NBEA: variants seen among roughly 807,000 people sequenced by gnomAD.
NBEA encodes the protein neurobeachin.
A neutral mutation model predicts 343.4 loss-of-function variants in NBEA; 44 were observed. The ratio of observed to expected loss-of-function variants is 0.13; its 90% CI spans 0.10 to 0.16. The LOEUF (loss-of-function observed/expected upper bound fraction) is 0.16. Among genes scored for constraint, NBEA ranks in the 10% least tolerant of loss-of-function variants. NBEA has a pLI of 1.00. For missense variants in NBEA, 2,555 were observed against 3,631.3 expected, an observed-to-expected ratio of 0.70 and a Z score of 7.62; for synonymous variants, 1,175 against 1,238.7, an observed-to-expected ratio of 0.95 and a Z score of 1.08.
At chr13:35,064,180 A>T (rs954737095) in intron 8 of NBEA, among the ~76,000 whole-genome samples, 3 of 120,444 alleles carry the variant, frequency 2.5e-5, no homozygotes, top group Admixed American at 8.6e-5. Context: ...ATTTAAAGGT[A>T]AAGGACTGGA....
At chr13:35,353,408 C>A (rs528267476) in intron 38 of NBEA, among the ~76,000 whole-genome samples, 1 of 151,916 alleles carries the variant, frequency 6.6e-6, no homozygotes, top group East Asian at 1.9e-4. Context: ...GAACTCCAGC[C>A]TGGGTGACAG....
chr13:35,349,551 ATATGAG>A (rs1439039422), intron 37 of NBEA, among the ~76,000 whole-genome samples: 1 of 152,164 alleles, frequency 6.6e-6, no homozygotes, highest in African/African-American at 2.4e-5. Context: ...CAATAGGTAG[ATATGAG>A]TATATGATAC....
chr13:35,186,195 T>C (rs768980040), intron 30 of NBEA, among the ~76,000 whole-genome samples: 3 of 152,114 alleles, frequency 2.0e-5, no homozygotes, highest in Non-Finnish European at 4.4e-5. Flanking sequence ...TCCCAGCTAC[T>C]CAGGAGGCTG....
At chr13:35,571,614 G>A (rs888100841) in intron 45 of NBEA, among the ~76,000 whole-genome samples, 1 of 152,122 alleles carries the variant, frequency 6.6e-6, no homozygotes, top group African/African-American at 2.4e-5. Context: ...CAGTGACAAA[G>A]CAAATTTCCA....
chr13:35,442,806 G>A (rs1437855108), intron 39 of NBEA, among the ~76,000 whole-genome samples: 1 of 151,978 alleles, frequency 6.6e-6, no homozygotes, highest in Admixed American at 6.6e-5. Flanking sequence ...TACTCTATTA[G>A]CAGGCCTGTC....
At chr13:34,963,711 C>T (rs1053264067) in intron 1 of NBEA, among the ~76,000 whole-genome samples, 1 of 151,618 alleles carries the variant, frequency 6.6e-6, no homozygotes, top group African/African-American at 2.4e-5. Flanking sequence ...TTCTTCCCCC[C>T]CCCGATATAT....
rs143274910 is a variant in NBEA, at chr13:35,273,519, A to C, written c.5777-16870A>C. ...AAGAAATAACTAAGATAAAGAGCAG[A>C]ACTGAAGGAGATAGAGACACAAAAA... On this transcript the variant is annotated intron_variant, in intron 34 of 58. Coordinates refer to ENST00000379939, the MANE Select transcript of NBEA (RefSeq NM_001385012.1). Among the ~76,000 whole-genome samples the C allele has an allele frequency of 5.0e-3, 760 of 152,306 alleles. 1 individual carries two copies. Among genetic ancestry groups the C allele is most frequent in the Non-Finnish European group, 8.2e-3 (556 of 68,026 alleles).
At chr13:35,549,109 G>T (rs2079191955) in intron 41 of NBEA, among the ~76,000 whole-genome samples, 1 of 152,014 alleles carries the variant, frequency 6.6e-6, no homozygotes, top group East Asian at 1.9e-4. Flanking sequence ...AGTCTGAATG[G>T]CTCCAAAATG....
chr13:35,659,881 A>G (rs1312033906), intron 55 of NBEA, among the ~76,000 whole-genome samples: 2 of 152,236 alleles, frequency 1.3e-5, no homozygotes, highest in Non-Finnish European at 2.9e-5. Flanking sequence ...ACAAATTCTG[A>G]AACTAATTTG....
rs143320024 is a variant in NBEA at position 35,348,236 on chromosome 13, C to G, written c.5904-872C>G. Among the ~76,000 whole-genome samples the G allele has an allele frequency of 8.5e-5, 13 of 152,058 alleles. No homozygotes were observed. In the East Asian group the frequency reaches 2.3e-3, roughly 27 times the overall value. The stretch of plus-strand genomic sequence containing the variant: ...ACTGTGTGTACATGTGAAAAGATGT[C>G]CAAGATACATTTCTATGTGAGAAAA... On this transcript the variant is annotated intron_variant, in intron 36 of 58. Coordinates refer to ENST00000379939, the MANE Select transcript of NBEA (RefSeq NM_001385012.1).
At chr13:35,551,115 A>C (rs2079302150) in intron 43 of NBEA, 83 bp downstream of exon 43, 1 of 762,144 alleles carries the variant, frequency 1.3e-6, no homozygotes, top group African/African-American at 1.8e-5. Context: ...TGTGGTTATA[A>C]CATTATAATT....
intron 49 of NBEA, among the ~76,000 whole-genome samples, chr13:35,644,813 A>G (rs1011817021): frequency 1.1e-4 from 16 of 152,336 alleles, no homozygotes; most frequent in African/African-American, 3.8e-4. Context: ...CACTGGGGAG[A>G]CAAAAGTAGG....
intron 47 of NBEA, among the ~76,000 whole-genome samples, chr13:35,603,159 T>A (rs1299798335): frequency 6.6e-6 from 1 of 152,216 alleles, no homozygotes; most frequent in Non-Finnish European, 1.5e-5. Flanking sequence ...CATTCACTCT[T>A]TCCCCATCTT....
At chr13:35,111,412 T>C (rs1593379264) in intron 13 of NBEA, among the ~76,000 whole-genome samples, 1 of 151,860 alleles carries the variant, frequency 6.6e-6, no homozygotes, top group Admixed American at 6.6e-5. Flanking sequence ...TTTGAAAATA[T>C]AGCCAGTTTT....
At chr13:35,249,338 G>A (rs1449783428) in intron 34 of NBEA, among the ~76,000 whole-genome samples, 3 of 152,022 alleles carry the variant, frequency 2.0e-5, no homozygotes, top group Non-Finnish European at 4.4e-5. Context: ...GGCAACCTAT[G>A]GAAAGGGAGA....
At chr13:35,151,154 A>G (rs1057028652) in intron 18 of NBEA, among the ~76,000 whole-genome samples, 1 of 151,502 alleles carries the variant, frequency 6.6e-6, no homozygotes, top group Non-Finnish European at 1.5e-5. Flanking sequence ...TTATTTTAAT[A>G]ATTTTTTTGA....
chr13:35,319,317 C>A (rs1398351707), intron 36 of NBEA, among the ~76,000 whole-genome samples: 1 of 152,104 alleles, frequency 6.6e-6, no homozygotes, highest in Non-Finnish European at 1.5e-5. Flanking sequence ...TCATTGGTTT[C>A]AAAGAATTAT....
chr13:35,019,180 G>A (rs1037154938), intron 1 of NBEA, among the ~76,000 whole-genome samples: 4 of 151,288 alleles, frequency 2.6e-5, no homozygotes, highest in Non-Finnish European at 5.9e-5. Context: ...TTGTGTCTAC[G>A]TTCACGATGG....
chr13:35,432,625 G>T (rs192449468), intron 39 of NBEA, among the ~76,000 whole-genome samples: 140 of 151,430 alleles, frequency 9.2e-4, no homozygotes, highest in African/African-American at 3.2e-3. Context: ...GAGCTAAATG[G>T]ACTTCACATA....
Sources: gnomAD v4.1 joint callset for allele counts (sites outside exome capture counted in the v4.1 genomes callset) on GRCh38, gnomAD v4.1.1 for gene constraint, MANE v1.5 for transcripts, NCBI Gene and HGNC (gene_info 2026-07-23, HGNC 2026-07-21) for gene names.